The following CSMD1 variants were observed in gnomAD, a reference collection of about 807,000 sequenced individuals.
CSMD1 encodes the protein CUB and Sushi multiple domains 1, also known as CUB and sushi domain-containing protein 1.
In CSMD1, 213 loss-of-function variants were observed where a neutral mutation model predicts 417.5. The ratio of observed to expected loss-of-function variants is 0.51; its 90% confidence interval spans 0.46 to 0.57. CSMD1 has a LOEUF of 0.57. Among genes scored for constraint, CSMD1 ranks in the 20% least tolerant of loss-of-function variants. The pLI, the probability that CSMD1 is intolerant of heterozygous loss-of-function variation, is 0.00. For missense variants in CSMD1, 6,923 were observed against 4,529.7 expected, an observed-to-expected ratio of 1.53 and a Z score of -15.17; for synonymous variants, 2,862 against 1,736.8, an observed-to-expected ratio of 1.65 and a Z score of -16.11.
At chr8:4,447,879 T>C (rs1798906538) in intron 2 of CSMD1, among the ~76,000 whole-genome samples, 1 of 152,234 alleles carries the variant, frequency 6.6e-6, no homozygotes, top group Non-Finnish European at 1.5e-5. Flanking sequence ...GCTCGACGAA[T>C]GTACAATTTT....
At chr8:4,253,165 A>C (rs932968743) in intron 3 of CSMD1, among the ~76,000 whole-genome samples, 2 of 152,200 alleles carry the variant, frequency 1.3e-5, no homozygotes, top group Admixed American at 1.3e-4. Context: ...CTCATTAGGA[A>C]ACATTCTATC....
At chr8:3,801,772 C>T (rs1190366411) in intron 5 of CSMD1, among the ~76,000 whole-genome samples, 1 of 152,096 alleles carries the variant, frequency 6.6e-6, no homozygotes, top group African/African-American at 2.4e-5. Context: ...CATACACATT[C>T]AGTAGCATTT....
rs764232815 is a variant in CSMD1, at chr8:4,025,457, G to A, written c.610+6448C>T. On this transcript the variant is annotated intron_variant, in intron 4 of 69. Transcript: ENST00000635120. ...TTTATGAATCAATAATAAAGTATGG[G>A]AAACATAAAGCAAATTAAGAAGGCA... Among the ~76,000 whole-genome samples, 4 of 152,170 alleles carry A rather than the reference G, an allele frequency of 2.6e-5. No homozygotes were observed. The South Asian group carries it at 6.2e-4, about 24-fold the overall frequency.
chr8:4,433,377 T>C (rs1585066910), intron 2 of CSMD1, among the ~76,000 whole-genome samples: 4 of 152,248 alleles, frequency 2.6e-5, no homozygotes, highest in East Asian at 3.9e-4. Context: ...ATCATGGACA[T>C]GACATCATTA....
intron 3 of CSMD1, among the ~76,000 whole-genome samples, chr8:4,069,529 T>C (rs1308632278): frequency 5.3e-5 from 8 of 152,326 alleles, no homozygotes; most frequent in East Asian, 1.9e-4. Context: ...CGATGATTTG[T>C]TCTTACCACC....
At chr8:4,094,015 G>C (rs1321823760) in intron 3 of CSMD1, among the ~76,000 whole-genome samples, 2 of 126,678 alleles carry the variant, frequency 1.6e-5, no homozygotes, top group Non-Finnish European at 1.7e-5. Context: ...GATAGATAAA[G>C]AAAAAAGACA....
At chr8:2,956,530 T>C (rs573297201) in intron 63 of CSMD1, among the ~76,000 whole-genome samples, 47 of 152,290 alleles carry the variant, frequency 3.1e-4, no homozygotes, top group African/African-American at 1.1e-3. Context: ...CTCCGCTCGC[T>C]GCAAGCTCCT....
At chr8:4,455,148 G>A (rs1316943029) in intron 2 of CSMD1, among the ~76,000 whole-genome samples, 1 of 152,152 alleles carries the variant, frequency 6.6e-6, no homozygotes, top group Non-Finnish European at 1.5e-5. Flanking sequence ...TTGGACAACA[G>A]CCAAAAGGAA....
intron 3 of CSMD1, among the ~76,000 whole-genome samples, chr8:4,205,806 T>TA (rs1208571618): frequency 6.6e-6 from 1 of 151,824 alleles, no homozygotes; most frequent in Non-Finnish European, 1.5e-5. Context: ...TTTGTGGGGG[T>TA]AAAAATGGAA....
chr8:2,960,773 A>G (rs1263335727), intron 62 of CSMD1, among the ~76,000 whole-genome samples: 1 of 151,972 alleles, frequency 6.6e-6, no homozygotes, highest in Non-Finnish European at 1.5e-5. Context: ...GGAACCTTTT[A>G]TGGGTAGCTA....
intron 8 of CSMD1, among the ~76,000 whole-genome samples, chr8:3,605,981 G>C (rs1483029671): frequency 6.6e-6 from 1 of 152,132 alleles, no homozygotes. Flanking sequence ...GCCTTGTGTG[G>C]GGTCCGGTCA....
chr8:4,471,980 T>A (rs78262791), intron 2 of CSMD1, among the ~76,000 whole-genome samples: 1 of 152,254 alleles, frequency 6.6e-6, no homozygotes, highest in Non-Finnish European at 1.5e-5. Flanking sequence ...AAGCGATACG[T>A]ATTATCTGCT....
chr8:3,106,410 A>G, intron 46 of CSMD1, 118 bp downstream of exon 46: 1 of 617,252 alleles, frequency 1.6e-6, no homozygotes, highest in Non-Finnish European at 2.7e-6. Flanking sequence ...AGATAAATAA[A>G]TAAATAATAA....
intron 6 of CSMD1, 152 bp from the exon 7 acceptor site, chr8:3,708,643 G>C: frequency 1.6e-6 from 1 of 640,358 alleles, no homozygotes; most frequent in Non-Finnish European, 2.8e-6. Context: ...AGTCAATGAA[G>C]TCAAAGAGCT....
At chr8:3,851,064 G>A (rs13280374) in intron 5 of CSMD1, among the ~76,000 whole-genome samples, 17,545 of 152,148 alleles carry the variant, frequency 0.12, 1,067 homozygotes, top group South Asian at 0.17. Flanking sequence ...AATGTAGAAG[G>A]AATATTTCAA....
chr8:4,734,759 G>T (rs1323479021), intron 1 of CSMD1, among the ~76,000 whole-genome samples: 1 of 152,172 alleles, frequency 6.6e-6, no homozygotes, highest in Non-Finnish European at 1.5e-5. Flanking sequence ...CTTCTTTGAA[G>T]ATGTTCTGCT....
At chr8:3,122,977 G>A (rs1166095226) in intron 41 of CSMD1, among the ~76,000 whole-genome samples, 1 of 152,122 alleles carries the variant, frequency 6.6e-6, no homozygotes, top group African/African-American at 2.4e-5. Context: ...AACTTCTCCA[G>A]GTGTTCGAAG....
In CSMD1 at chr8:3,701,346, C is replaced by A. The variant is rs189015486; in HGVS notation, c.1009+7068G>T. On this transcript the variant is annotated intron_variant, in intron 7 of 69. Coordinates refer to ENST00000635120, the MANE Select transcript of CSMD1 (RefSeq NM_033225.6). ...CATGGTAGCCCTATTCATGATAATT[C>A]ATGACTTCTCTTTTTCTTTGTCTCA... Among the ~76,000 whole-genome samples the A allele has an allele frequency of 2.2e-4, 34 of 152,176 alleles. No homozygotes were observed. The East Asian group carries it at 4.5e-3, about 20-fold the overall frequency.
intron 5 of CSMD1, among the ~76,000 whole-genome samples, chr8:3,987,146 C>T (rs931763829): frequency 3.3e-5 from 5 of 152,146 alleles, no homozygotes; most frequent in Non-Finnish European, 7.4e-5. Flanking sequence ...AGCGTCTATC[C>T]GAGTTCTATG....
Sources: allele counts gnomAD v4.1 joint callset (sites outside exome capture counted in the v4.1 genomes callset), GRCh38; gene constraint gnomAD v4.1.1; transcripts MANE v1.5; gene names NCBI Gene and HGNC (gene_info 2026-07-23, HGNC 2026-07-21).